Variants in FANCC observed in about 807,000 individuals in gnomAD.
FANCC encodes the protein Fanconi anemia group C protein.
In FANCC, 55 loss-of-function variants were observed where a neutral mutation model predicts 71.3. The observed-to-expected ratio is 0.77, with a 90% CI of 0.62 to 0.97. FANCC has a LOEUF of 0.97. Ranked by LOEUF, FANCC falls within the 50% of genes least tolerant of loss-of-function variation. The pLI is 0.00. For missense variants in FANCC, 678 were observed against 670.9 expected (o/e 1.01, Z -0.12); for synonymous variants, 275 against 244.9 (o/e 1.12, Z -1.15).
intron 14 of FANCC, among the ~76,000 whole-genome samples, chr9:95,102,773 G>A (rs2071158832): frequency 6.6e-6 from 1 of 152,214 alleles, no homozygotes; most frequent in African/African-American, 2.4e-5. Context: ...ACCACTAAAG[G>A]GAGCCTCTTG....
At position 95,136,604 on chromosome 9, in the gene FANCC, A is replaced by G. The variant is rs1178191557; in HGVS notation, c.687-1102T>C. Among the ~76,000 whole-genome samples, 6 of 152,202 alleles carry G rather than the reference A, an allele frequency of 3.9e-5. No individual in the cohort carries two copies. In the East Asian group the frequency reaches 9.7e-4, roughly 25 times the overall value. ...TAGGCTCATGTGATCCTCCTGCATCAGTCTCCCCAGTAGCTGGGACTACAG... is the reference window on the plus strand; with the variant it reads ...TAGGCTCATGTGATCCTCCTGCATCGGTCTCCCCAGTAGCTGGGACTACAG... On this transcript the variant is annotated intron_variant, in intron 7 of 14. Coordinates refer to ENST00000289081, the MANE Select transcript of FANCC (RefSeq NM_000136.3).
At chr9:95,144,855 G>A (rs868774479) in intron 7 of FANCC, among the ~76,000 whole-genome samples, 8 of 152,284 alleles carry the variant, frequency 5.3e-5, no homozygotes, top group Middle Eastern at 6.8e-3. Context: ...CGAGCGCCGC[G>A]CCGCACGTTC....
chr9:95,252,295 G>GA (rs975553977), intron 1 of FANCC, among the ~76,000 whole-genome samples: 15 of 95,396 alleles, frequency 1.6e-4, no homozygotes, highest in South Asian at 7.2e-4. Flanking sequence ...AAAAAAAAAA[G>GA]AAAAAAAAAA....
At chr9:95,290,738 G>A (rs1200875768) in intron 1 of FANCC, among the ~76,000 whole-genome samples, 3 of 152,062 alleles carry the variant, frequency 2.0e-5, no homozygotes, top group Non-Finnish European at 2.9e-5. Flanking sequence ...TGCTTTCAAG[G>A]GAACACTGCT....
chr9:95,238,406 C>T (rs1400924075), intron 4 of FANCC, among the ~76,000 whole-genome samples: 1 of 151,670 alleles, frequency 6.6e-6, no homozygotes, highest in Non-Finnish European at 1.5e-5. Context: ...TAAATCGGGC[C>T]CCCTTCTCCA....
chr9:95,133,164 T>C (rs1273619143), intron 8 of FANCC, among the ~76,000 whole-genome samples: 1 of 152,218 alleles, frequency 6.6e-6, no homozygotes, highest in Non-Finnish European at 1.5e-5. Flanking sequence ...AGGTTACCCC[T>C]GCAATCACTT....
intron 1 of FANCC, chr9:95,293,514 C>A: frequency 6.3e-7 from 1 of 1,592,346 alleles, no homozygotes; most frequent in African/African-American, 1.3e-5. Flanking sequence ...GGGTAAAAGT[C>A]CATCTAATAC....
Position 95,111,256 on chromosome 9 carries a change from G to A in FANCC, c.1329+207C>T, listed in dbSNP as rs1401576206. 1.3e-5 allele frequency: 20 copies of A among 1,543,534 alleles called. No homozygotes were observed. The highest frequency in any genetic ancestry group is 1.2e-4 in the East Asian group (5 of 41,234). The stretch of plus-strand genomic sequence containing the variant: ...CAGGAGAATGGGCTGGCAGCGTCTC[G>A]TCTCTGGCCACCTCGGTGGGGACAG... On this transcript the variant is annotated intron_variant, in intron 13 of 14. Coordinates refer to ENST00000289081, the MANE Select transcript of FANCC (RefSeq NM_000136.3).
chr9:95,123,738 ACTGT>A (rs1825493378), intron 10 of FANCC: 3 of 692,256 alleles, frequency 4.3e-6, no homozygotes, highest in African/African-American at 1.8e-5. Flanking sequence ...AAGCTACATT[ACTGT>A]CTGAGTTGTG....
At chr9:95,158,824 T>C (rs1830585658) in intron 6 of FANCC, among the ~76,000 whole-genome samples, 1 of 152,206 alleles carries the variant, frequency 6.6e-6, no homozygotes, top group African/African-American at 2.4e-5. Flanking sequence ...GGCCACACTT[T>C]GAGTAGCTCT....
chr9:95,296,216 A>G (rs4647384), intron 1 of FANCC, among the ~76,000 whole-genome samples: 44 of 152,216 alleles, frequency 2.9e-4, no homozygotes, highest in Non-Finnish European at 5.7e-4. Flanking sequence ...ACTGCACAAT[A>G]TATTAAAACC....
At chr9:95,297,375 G>A (rs565833862) in intron 1 of FANCC, among the ~76,000 whole-genome samples, 1 of 152,224 alleles carries the variant, frequency 6.6e-6, no homozygotes, top group Non-Finnish European at 1.5e-5. Flanking sequence ...CCCTCTGCTG[G>A]TGACTGGCCC....
chr9:95,268,542 C>G (rs1832531591), intron 1 of FANCC, among the ~76,000 whole-genome samples: 3 of 152,114 alleles, frequency 2.0e-5, no homozygotes, highest in Admixed American at 2.0e-4. Context: ...CAAACATTAA[C>G]ATAAAGGAAA....
intron 1 of FANCC, among the ~76,000 whole-genome samples, chr9:95,308,114 A>G (rs1376667733): frequency 6.6e-6 from 1 of 152,234 alleles, no homozygotes; most frequent in Non-Finnish European, 1.5e-5. Flanking sequence ...TGGCCACAAA[A>G]CAATGTAACC....
intron 4 of FANCC, among the ~76,000 whole-genome samples, chr9:95,177,465 A>C (rs1268910161): frequency 6.6e-6 from 1 of 152,174 alleles, no homozygotes; most frequent in Non-Finnish European, 1.5e-5. Flanking sequence ...GCTACACTAA[A>C]TTCTTAAAAA....
chr9:95,255,888 C>A (rs1831625878), intron 1 of FANCC, among the ~76,000 whole-genome samples: 1 of 151,094 alleles, frequency 6.6e-6, no homozygotes, highest in South Asian at 2.1e-4. Context: ...GTGAAGCATA[C>A]ACAAGTATCA....
At chr9:95,186,643 C>T (rs1826734800) in intron 4 of FANCC, 1 of 152,174 alleles carries the variant, frequency 6.6e-6, no homozygotes, top group Admixed American at 6.5e-5. Flanking sequence ...AGTATAATTC[C>T]ACCTATGTGA....
In FANCC at chr9:95,247,842, G is replaced by A. The variant is rs191211460; in HGVS notation, c.166-326C>T. On this transcript the variant is annotated intron_variant, in intron 2 of 14. Coordinates refer to ENST00000289081, the MANE Select transcript of FANCC (RefSeq NM_000136.3). ...TTTAAAAATAATAAAGACTGCTTAAGAGTTGAAAACACATTATTGGTGATT... is the reference window on the plus strand; with the variant it reads ...TTTAAAAATAATAAAGACTGCTTAAAAGTTGAAAACACATTATTGGTGATT... Among the ~76,000 whole-genome samples the A allele has an allele frequency of 1.4e-3, 218 of 152,228 alleles. 1 individual carries two copies. The highest frequency in any genetic ancestry group is 4.7e-3 in the African/African-American group (196 of 41,550).
At chr9:95,129,063 T>A (rs930805245) in intron 8 of FANCC, among the ~76,000 whole-genome samples, 2 of 151,970 alleles carry the variant, frequency 1.3e-5, no homozygotes, top group African/African-American at 4.8e-5. Flanking sequence ...CCACCACACC[T>A]GGCTAATTTT....
Sources: gnomAD v4.1 joint callset for allele counts (sites outside exome capture counted in the v4.1 genomes callset) on GRCh38, gnomAD v4.1.1 for gene constraint, MANE v1.5 for transcripts, NCBI Gene and HGNC (gene_info 2026-07-23, HGNC 2026-07-21) for gene names.